NFASC: variants seen among roughly 807,000 people sequenced by gnomAD.
NFASC encodes the protein neurofascin homolog.
In NFASC, 43 loss-of-function variants were observed where a neutral mutation model predicts 147.5. The observed-to-expected ratio is 0.29, with a 90% confidence interval of 0.23 to 0.38. The LOEUF is 0.38. NFASC is among the 10% of genes least tolerant of loss of function. The pLI, the probability that NFASC is intolerant of heterozygous loss-of-function variation, is 1.00. For synonymous variants in NFASC, 622 were observed against 665.5 expected (o/e 0.93, Z 1.01); for missense variants, 1,320 against 1,689.0 (o/e 0.78, Z 3.83).
In NFASC at chr1:204,980,448, G is replaced by T; in HGVS notation, c.2247+8G>T. On this transcript the variant is annotated splice_region_variant and intron_variant, in intron 20 of 29. Coordinates refer to ENST00000339876, the MANE Select transcript of NFASC (RefSeq NM_001005388.3). ...ATGGAGATCACGTGGACGGTAAGAG[G>T]CCCTCCCAGCCCCAGTGGAGCAGCT... 6.2e-7 allele frequency: 1 copy of T among 1,606,270 alleles called. No individual in the cohort carries two copies. Among genetic ancestry groups the T allele is most frequent in the Non-Finnish European group, 8.5e-7 (1 of 1,174,650 alleles).
intron 1 of NFASC, among the ~76,000 whole-genome samples, chr1:204,847,071 G>C (rs1051877981): frequency 1.3e-5 from 2 of 152,022 alleles, no homozygotes; most frequent in African/African-American, 4.8e-5. Context: ...TTTGGGTTGA[G>C]AGAACTCAGA....
At position 204,978,980 on chromosome 1, in the gene NFASC, G is replaced by A. The variant is rs759099955; in HGVS notation, c.1889G>A (p.Arg630Gln). The A allele has an allele frequency of 9.6e-6, 15 of 1,555,806 alleles. No homozygotes were observed. The highest frequency in any genetic ancestry group is 1.7e-4 in the Middle Eastern group (1 of 5,988). The stretch of plus-strand genomic sequence containing the variant: ...CTTCTGCCACCAGGACGGCCAGACC[G>A]GCCCCGGGACCTGGAGCTGACCGAC... ...LAALPKGRPD[R>Q]PRDLELTDLA... The change falls in exon 18 of 30, where the codon CGG (arginine) becomes CAG (glutamine). Residue 630 changes from arginine to glutamine, a missense_variant. Around this residue, in one of 3 missense-constraint regions of NFASC, gnomAD observed 981 missense variants for 1,289.5 expected, o/e 0.76. Transcript: ENST00000339876.
intron 1 of NFASC, among the ~76,000 whole-genome samples, chr1:204,868,141 C>T (rs996566809): frequency 3.9e-5 from 6 of 152,364 alleles, no homozygotes; most frequent in Middle Eastern, 3.4e-3. Context: ...CCCTTCACTG[C>T]AGTAGTTACA....
At chr1:204,848,728 A>G (rs1355297369) in intron 1 of NFASC, among the ~76,000 whole-genome samples, 2 of 152,370 alleles carry the variant, frequency 1.3e-5, no homozygotes, top group Non-Finnish European at 2.9e-5. Context: ...AGTTGTTGCT[A>G]GAATCTGGCT....
chr1:204,992,687 C>T (rs549070100), intron 24 of NFASC, among the ~76,000 whole-genome samples: 14 of 152,264 alleles, frequency 9.2e-5, no homozygotes, highest in South Asian at 2.1e-4. Flanking sequence ...GAAGAGGAAA[C>T]GCAGGGAGGG....
At chr1:204,900,687 A>T (rs1157776719) in intron 1 of NFASC, among the ~76,000 whole-genome samples, 1 of 151,968 alleles carries the variant, frequency 6.6e-6, no homozygotes, top group Non-Finnish European at 1.5e-5. Flanking sequence ...GTGCTGGGGG[A>T]GGTGGTTTGC....
chr1:204,940,170 A>C (rs1305412236), intron 2 of NFASC, among the ~76,000 whole-genome samples: 1 of 152,200 alleles, frequency 6.6e-6, no homozygotes, highest in East Asian at 1.9e-4. Context: ...GCACAGCTCA[A>C]AGCCGGGCGC....
chr1:204,979,307 G>A lies in NFASC; in HGVS notation c.1979-55G>A. On this transcript the variant is annotated intron_variant, in intron 18 of 29. Coordinates refer to ENST00000339876, the MANE Select transcript of NFASC (RefSeq NM_001005388.3). This position sits in a 1 kb window ranked among gnomAD's most constrained non-coding sequence, Gnocchi z 6.0. ...AAGCCAAGAAGGAAGTGCTTTTAAA[G>A]AAGACCACTGCTAACTGAGCTCCCG... 7.2e-7 allele frequency: 1 copy of A among 1,392,086 alleles called. No individual in the cohort carries two copies. The allele number at this position is 1,392,086 out of a possible 1,614,324, so 86.2% of individuals were successfully genotyped here.
chr1:204,870,438 C>G (rs1369230466), intron 1 of NFASC, among the ~76,000 whole-genome samples: 2 of 152,094 alleles, frequency 1.3e-5, no homozygotes, highest in African/African-American at 4.8e-5. Flanking sequence ...GGCTTGGGTT[C>G]ATGGAGGACG....
intron 25 of NFASC, chr1:204,997,699 C>T: frequency 3.9e-6 from 2 of 514,380 alleles, no homozygotes; most frequent in Non-Finnish European, 3.5e-6. Flanking sequence ...GACGGCCAAG[C>T]TCCTTGGGCA....
At chr1:204,837,513 C>G (rs1408829890) in intron 1 of NFASC, among the ~76,000 whole-genome samples, 1 of 152,158 alleles carries the variant, frequency 6.6e-6, no homozygotes, top group Non-Finnish European at 1.5e-5. Flanking sequence ...TAGCTGAACA[C>G]TCTCTTGTTC....
intron 21 of NFASC, among the ~76,000 whole-genome samples, chr1:204,984,851 C>T (rs1221580243): frequency 1.3e-5 from 2 of 152,014 alleles, no homozygotes; most frequent in Admixed American, 6.6e-5. Context: ...TTCTGAGTAG[C>T]GCTAATTAAA....
chr1:204,965,123 G>A (rs1823367), intron 8 of NFASC, among the ~76,000 whole-genome samples: 5,367 of 152,238 alleles, frequency 0.035, 232 homozygotes, highest in African/African-American at 0.1. Context: ...GAGCTTTAGC[G>A]TATGGACTCT....
In NFASC at chr1:204,977,705, G is replaced by A. The variant is rs370020235; in HGVS notation, c.1856G>A (p.Arg619His). ...VLADQATPTN[R>H]LAALPKGRPD... ...GCTGATCAGGCCACTCCAACTAACC[G>A]TTTGGCTGCCCTGCCCAAAGGTAAT... The change falls in exon 17 of 30, where the codon CGT becomes CAT. Residue 619 changes from arginine (R) to histidine (H), a missense_variant. Transcript: ENST00000339876. The A allele has an allele frequency of 2.7e-5, 43 of 1,610,560 alleles. 1 individual carries two copies. The highest frequency in any genetic ancestry group is 1.3e-4 in the African/African-American group (10 of 75,010).
intron 4 of NFASC, 144 bp downstream of exon 4, chr1:204,950,718 C>T (rs771276426): frequency 3.3e-5 from 25 of 766,550 alleles, no homozygotes; most frequent in South Asian, 1.7e-4. Context: ...TATCTTACTG[C>T]GGGGGAAGGA....
intron 17 of NFASC, among the ~76,000 whole-genome samples, chr1:204,978,564 G>A (rs1014009963): frequency 3.9e-5 from 6 of 152,202 alleles, no homozygotes; most frequent in Admixed American, 2.0e-4. Flanking sequence ...CAATTAATGT[G>A]AGAAAATGGG....
chr1:204,951,885 C>T lies in NFASC; in HGVS notation c.110-126C>T, dbSNP rs1019793468. 2.0e-5 allele frequency: 14 copies of T among 687,314 alleles called. No individual in the cohort carries two copies. In the Admixed American group the frequency reaches 2.8e-4, roughly 14 times the overall value. The allele number at this position is 687,314 out of a possible 1,614,324, so 42.6% of individuals were successfully genotyped here. On this transcript the variant is annotated intron_variant, in intron 4 of 29. Transcript: ENST00000339876. ...TAGAATGGGGCCCTGTTCACCGCCC[C>T]CCACACCCCACCCACTTGCCTGCTT... is the stretch of plus-strand genomic sequence containing the variant.
chr1:204,996,901 A>G (rs560074288), intron 24 of NFASC, among the ~76,000 whole-genome samples: 2 of 152,096 alleles, frequency 1.3e-5, no homozygotes, highest in South Asian at 2.1e-4. Context: ...ATCCTCACGC[A>G]TCCTTGGCTG....
intron 2 of NFASC, among the ~76,000 whole-genome samples, chr1:204,942,107 A>G (rs1483538418): frequency 6.6e-6 from 1 of 152,214 alleles, no homozygotes; most frequent in South Asian, 2.1e-4. Flanking sequence ...TAAACAAGAT[A>G]GGGTACCTTC....
Sources: gnomAD v4.1 joint callset for allele counts (sites outside exome capture counted in the v4.1 genomes callset) on GRCh38, gnomAD v4.1.1 for gene constraint, gnomAD v4.1.1 regional missense constraint, Gnocchi (gnomAD v3.1) non-coding constraint, MANE v1.5 for transcripts, NCBI Gene and HGNC (gene_info 2026-07-23, HGNC 2026-07-21) for gene names.